DSCAM: variants seen among roughly 807,000 people sequenced by gnomAD.
DSCAM encodes DS cell adhesion molecule.
A neutral mutation model predicts 217.7 loss-of-function variants in DSCAM; 47 were observed. The ratio of observed to expected loss-of-function variants is 0.22; its 90% CI spans 0.17 to 0.28. The LOEUF (loss-of-function observed/expected upper bound fraction) is 0.28. DSCAM is among the 10% of genes least tolerant of loss of function. DSCAM has a pLI of 1.00. For synonymous variants in DSCAM, 1,056 were observed against 1,015.3 expected (o/e 1.04, Z -0.76); for missense variants, 2,080 against 2,618.3 (o/e 0.79, Z 4.49).
At chr21:40,653,726 T>C (rs1317979107) in intron 3 of DSCAM, among the ~76,000 whole-genome samples, 3 of 152,204 alleles carry the variant, frequency 2.0e-5, no homozygotes, top group Admixed American at 6.5e-5. Flanking sequence ...CCTGGCATCA[T>C]GCAGTATATG....
At chr21:40,501,742 C>A (rs773092640) in intron 3 of DSCAM, among the ~76,000 whole-genome samples, 2 of 152,146 alleles carry the variant, frequency 1.3e-5, no homozygotes, top group Non-Finnish European at 2.9e-5. Flanking sequence ...CAGGCATGCA[C>A]CACCATGCCC....
intron 3 of DSCAM, 170 bp from the exon 4 acceptor site, chr21:40,369,415 TG>T: frequency 1.8e-6 from 1 of 571,272 alleles, no homozygotes; most frequent in Non-Finnish European, 2.9e-6. Flanking sequence ...TGTGTGTGTG[TG>T]TGTGTCAATT....
At chr21:40,530,920 A>ACCAT (rs749257248) in intron 3 of DSCAM, among the ~76,000 whole-genome samples, 4,248 of 88,494 alleles carry the variant, frequency 0.048, 75 homozygotes, top group South Asian at 0.086. Flanking sequence ...CATCCATTCA[A>ACCAT]CCATCCATCC....
chr21:40,489,253 A>G (rs935431799), intron 3 of DSCAM, among the ~76,000 whole-genome samples: 2 of 152,140 alleles, frequency 1.3e-5, no homozygotes, highest in Non-Finnish European at 2.9e-5. Flanking sequence ...CAATCAGTTA[A>G]AGGCCTAAAT....
intron 19 of DSCAM, among the ~76,000 whole-genome samples, chr21:40,127,496 T>C (rs2090107258): frequency 6.6e-6 from 1 of 152,210 alleles, no homozygotes; most frequent in Non-Finnish European, 1.5e-5. Context: ...GAGTTCTGCA[T>C]TTAAGTTTAA....
chr21:40,666,709 T>C (rs1443632256), intron 3 of DSCAM, among the ~76,000 whole-genome samples: 1 of 152,340 alleles, frequency 6.6e-6, no homozygotes, highest in Admixed American at 6.5e-5. Flanking sequence ...GCTTTGCCCC[T>C]GCACCTGGGC....
At chr21:40,141,402 G>A (rs1329700464) in intron 18 of DSCAM, among the ~76,000 whole-genome samples, 1 of 152,208 alleles carries the variant, frequency 6.6e-6, no homozygotes, top group South Asian at 2.1e-4. Context: ...ATCACTTGAG[G>A]CCAGGAGTTC....
At chr21:40,786,399 C>A (rs1285721338) in intron 1 of DSCAM, among the ~76,000 whole-genome samples, 2 of 152,146 alleles carry the variant, frequency 1.3e-5, no homozygotes, top group Non-Finnish European at 2.9e-5. Context: ...TAGTCACGGG[C>A]TCCCAGTCCT....
chr21:40,806,082 A>G (rs1204793585), intron 1 of DSCAM, among the ~76,000 whole-genome samples: 5 of 152,210 alleles, frequency 3.3e-5, no homozygotes, highest in African/African-American at 9.6e-5. Context: ...CCTGCCTGCT[A>G]CACCTCAGCC....
chr21:40,139,187 C>G (rs906868365), intron 18 of DSCAM, among the ~76,000 whole-genome samples: 6 of 150,650 alleles, frequency 4.0e-5, no homozygotes, highest in African/African-American at 2.4e-5. Flanking sequence ...GTATGTGGAC[C>G]CTGAAAACCT....
chr21:40,039,896 A>G (rs992874026), intron 32 of DSCAM, among the ~76,000 whole-genome samples: 13 of 152,166 alleles, frequency 8.5e-5, no homozygotes, highest in African/African-American at 3.1e-4. Flanking sequence ...AAATTGAGAG[A>G]TTTGGAAGAC....
At chr21:40,659,273 G>A (rs1002784470) in intron 3 of DSCAM, among the ~76,000 whole-genome samples, 1 of 152,140 alleles carries the variant, frequency 6.6e-6, no homozygotes, top group African/African-American at 2.4e-5. Flanking sequence ...AGGATTGTCT[G>A]GTGTACTCCT....
chr21:40,713,607 T>C (rs936947410), intron 1 of DSCAM, among the ~76,000 whole-genome samples: 1 of 152,160 alleles, frequency 6.6e-6, no homozygotes, highest in African/African-American at 2.4e-5. Flanking sequence ...TGTAATGAGA[T>C]TCCTGGCCTA....
chr21:40,025,274 A>G (rs1356155055), intron 32 of DSCAM, among the ~76,000 whole-genome samples: 1 of 126,610 alleles, frequency 7.9e-6, no homozygotes, highest in African/African-American at 3.1e-5. Flanking sequence ...TCGGTCTGCC[A>G]GTATTTTATT....
intron 11 of DSCAM, among the ~76,000 whole-genome samples, chr21:40,266,848 A>C (rs972416005): frequency 2.7e-5 from 4 of 147,846 alleles, no homozygotes; most frequent in Non-Finnish European, 3.0e-5. Flanking sequence ...CTAAGCCATA[A>C]AAATAATGAA....
intron 10 of DSCAM, among the ~76,000 whole-genome samples, chr21:40,289,716 A>G (rs561519091): frequency 2.8e-4 from 43 of 152,334 alleles, no homozygotes; most frequent in African/African-American, 9.9e-4. Flanking sequence ...CATGTGTAGG[A>G]AAGCGCATAG....
At chr21:40,106,102 G>A (rs1259532472) in intron 20 of DSCAM, among the ~76,000 whole-genome samples, 2 of 152,182 alleles carry the variant, frequency 1.3e-5, no homozygotes, top group Admixed American at 6.5e-5. Context: ...GGCAGAAGGC[G>A]AAGGAGGAGC....
intron 11 of DSCAM, among the ~76,000 whole-genome samples, chr21:40,223,524 C>A (rs1194993047): frequency 7.2e-6 from 1 of 139,300 alleles, no homozygotes; most frequent in Admixed American, 7.0e-5. Context: ...TTTTAAACAT[C>A]TTTAACGAAA....
chr21:40,511,433 A>G (rs1290841124), intron 3 of DSCAM, among the ~76,000 whole-genome samples: 2 of 152,192 alleles, frequency 1.3e-5, no homozygotes, highest in Non-Finnish European at 2.9e-5. Context: ...AATGTCATAA[A>G]TTTAGCATAT....
Sources: allele counts gnomAD v4.1 joint callset (sites outside exome capture counted in the v4.1 genomes callset), GRCh38; gene constraint gnomAD v4.1.1; transcripts MANE v1.5; gene names NCBI Gene and HGNC (gene_info 2026-07-23, HGNC 2026-07-21).